SAMMSON: variants seen among roughly 807,000 people sequenced by gnomAD.
SAMMSON encodes the protein survival associated mitochondrial melanoma specific oncogenic non-coding RNA, also known as long intergenic non-protein coding RNA 1212.
chr3:70,292,788 G>T (rs543631415), intron 7 of SAMMSON, among the ~76,000 whole-genome samples: 2 of 151,616 alleles, frequency 1.3e-5, no homozygotes, highest in African/African-American at 4.8e-5. Flanking sequence ...TTTTCTTTTC[G>T]TGGTTACACA....
chr3:70,362,419 T>C (rs988029865), intron 9 of SAMMSON, among the ~76,000 whole-genome samples: 2 of 152,158 alleles, frequency 1.3e-5, no homozygotes, highest in African/African-American at 2.4e-5. Flanking sequence ...TTTGACCTTA[T>C]GTTTCTGGTG....
intron 4 of SAMMSON, among the ~76,000 whole-genome samples, chr3:70,096,809 A>G (rs1185024794): frequency 6.6e-6 from 1 of 152,180 alleles, no homozygotes; most frequent in Non-Finnish European, 1.5e-5. Context: ...CACAGAATGT[A>G]TGTCTAGAAT....
chr3:70,062,636 T>C (rs2067194492), intron 3 of SAMMSON, among the ~76,000 whole-genome samples: 1 of 152,118 alleles, frequency 6.6e-6, no homozygotes, highest in Admixed American at 6.6e-5. Context: ...TGCTCTTCTG[T>C]CATTGTGACT....
At chr3:70,295,084 C>T (rs767828901) in intron 7 of SAMMSON, among the ~76,000 whole-genome samples, 2 of 152,096 alleles carry the variant, frequency 1.3e-5, no homozygotes, top group Non-Finnish European at 2.9e-5. Flanking sequence ...TTGGCAAGGG[C>T]AGTGGGACCA....
chr3:70,301,047 GT>G (rs1702343718), intron 7 of SAMMSON, among the ~76,000 whole-genome samples: 1 of 152,058 alleles, frequency 6.6e-6, no homozygotes, highest in Middle Eastern at 3.4e-3. Flanking sequence ...TTATGTTATA[GT>G]TTTTCCTCAT....
Position 70,091,021 on chromosome 3 carries a change from T to C in SAMMSON, n.507+19456T>C, listed in dbSNP as rs1268693803. 1.3e-5 allele frequency among the ~76,000 whole-genome samples: 2 copies of C among 152,198 alleles called. 1 individual carries two copies. Among genetic ancestry groups the C allele is most frequent in the African/African-American group, 4.8e-5 (2 of 41,464 alleles). ...ATGTAAGTGGGACTGTAACTTATGT[T>C]AGCCTCTGAGAAAGGGGTCTTATTT... On this transcript the variant is annotated intron_variant and non_coding_transcript_variant, in intron 4 of 9. Transcript: ENST00000642114.
chr3:70,116,036 C>T lies in SAMMSON; in HGVS notation n.507+44471C>T, dbSNP rs374709126. 1.2e-4 allele frequency among the ~76,000 whole-genome samples: 19 copies of T among 152,186 alleles called. No homozygotes were observed. In the East Asian group the frequency reaches 3.3e-3, roughly 26 times the overall value. ...TGTACCAGAATTCTACATGTAAAGT[C>T]TTCCAGTCAAAAGTTTCATTGCAAA... is the stretch of plus-strand genomic sequence containing the variant. On this transcript the variant is annotated intron_variant and non_coding_transcript_variant, in intron 4 of 9. Coordinates refer to ENST00000642114, the Ensembl canonical transcript of SAMMSON.
chr3:70,254,524 T>C (rs78774212), intron 6 of SAMMSON, among the ~76,000 whole-genome samples: 6,456 of 152,232 alleles, frequency 0.042, 270 homozygotes, highest in East Asian at 0.15. Context: ...AGTTTTCACT[T>C]AGAGAGCTTT....
At chr3:70,425,740 G>A (rs72949135) in intron 2 of SAMMSON, among the ~76,000 whole-genome samples, 34,080 of 151,892 alleles carry the variant, frequency 0.22, 4,216 homozygotes, top group African/African-American at 0.33. Flanking sequence ...GGAAATGCCT[G>A]GGAATAATAA....
intron 2 of SAMMSON, among the ~76,000 whole-genome samples, chr3:70,423,874 A>G (rs913665007): frequency 1.3e-5 from 2 of 152,210 alleles, no homozygotes; most frequent in Admixed American, 6.5e-5. Flanking sequence ...TGGGCAAAAG[A>G]GATTACTAGG....
At chr3:70,366,668 G>A (rs1432311996) in intron 9 of SAMMSON, among the ~76,000 whole-genome samples, 1 of 151,048 alleles carries the variant, frequency 6.6e-6, no homozygotes, top group Non-Finnish European at 1.5e-5. Flanking sequence ...GCTTTTGTGT[G>A]GACATAACTT....
chr3:70,203,590 A>G (rs1403756520), intron 4 of SAMMSON, among the ~76,000 whole-genome samples: 1 of 152,196 alleles, frequency 6.6e-6, no homozygotes, highest in Non-Finnish European at 1.5e-5. Flanking sequence ...GAACTGAAAT[A>G]ATTATAAAAT....
At chr3:70,413,572 A>C (rs1250087472) in intron 2 of SAMMSON, among the ~76,000 whole-genome samples, 1 of 152,150 alleles carries the variant, frequency 6.6e-6, no homozygotes, top group Non-Finnish European at 1.5e-5. Context: ...AAAGAAACTG[A>C]AGGCTGGAAT....
At chr3:70,374,381 T>C (rs890308374) in intron 9 of SAMMSON, among the ~76,000 whole-genome samples, 3 of 152,116 alleles carry the variant, frequency 2.0e-5, no homozygotes, top group African/African-American at 7.2e-5. Context: ...AAACGATGAG[T>C]CGTCTTTAAA....
intron 7 of SAMMSON, among the ~76,000 whole-genome samples, chr3:70,352,137 A>G (rs566560915): frequency 6.6e-6 from 1 of 152,058 alleles, no homozygotes; most frequent in Non-Finnish European, 1.5e-5. Context: ...TGATGAACCT[A>G]TACGTTCAAG....
intron 9 of SAMMSON, among the ~76,000 whole-genome samples, chr3:70,367,242 T>C (rs1433934933): frequency 1.3e-5 from 2 of 151,630 alleles, no homozygotes; most frequent in Non-Finnish European, 3.0e-5. Flanking sequence ...CCTATTGTGG[T>C]ATCAAACACT....
intron 4 of SAMMSON, among the ~76,000 whole-genome samples, chr3:70,234,829 G>A (rs1701592274): frequency 6.6e-6 from 1 of 152,100 alleles, no homozygotes; most frequent in African/African-American, 2.4e-5. Context: ...TGCTTAAGAT[G>A]TCATCACATG....
At chr3:70,014,102 A>G (rs1194012772) in intron 3 of SAMMSON, 6 of 152,160 alleles carry the variant, frequency 3.9e-5, no homozygotes, top group African/African-American at 4.8e-5. Context: ...CAAGCAGGCC[A>G]TCTCTGCCCT....
At chr3:70,041,166 C>G (rs1163941395) in intron 3 of SAMMSON, among the ~76,000 whole-genome samples, 1 of 152,094 alleles carries the variant, frequency 6.6e-6, no homozygotes, top group Admixed American at 6.6e-5. Context: ...ATTTAAAGAC[C>G]TTTGCCAAAG....
Sources: gnomAD v4.1 joint callset for allele counts (sites outside exome capture counted in the v4.1 genomes callset) on GRCh38, gnomAD v4.1.1 for gene constraint, MANE v1.5 for transcripts, NCBI Gene and HGNC (gene_info 2026-07-23, HGNC 2026-07-21) for gene names.